The following CAPN9 variants were observed in gnomAD, a reference collection of about 807,000 sequenced individuals.
CAPN9 encodes calpain 9.
A neutral mutation model predicts 92.8 loss-of-function variants in CAPN9; 81 were observed. The ratio of observed to expected loss-of-function variants is 0.87; its 90% confidence interval spans 0.73 to 1.05. The LOEUF (loss-of-function observed/expected upper bound fraction) is 1.05. Among genes scored for constraint, CAPN9 ranks in the 50% least tolerant of loss-of-function variants. The pLI is 0.00. For synonymous variants in CAPN9, 304 were observed against 328.0 expected (o/e 0.93, Z 0.79); for missense variants, 848 against 866.2 (o/e 0.98, Z 0.26).
At chr1:230,777,344 A>T (rs1369330251) in intron 8 of CAPN9, among the ~76,000 whole-genome samples, 1 of 152,026 alleles carries the variant, frequency 6.6e-6, no homozygotes, top group Admixed American at 6.6e-5. Context: ...GCCCAAGGTG[A>T]TGGGTGGTGT....
Position 230,795,529 on chromosome 1 carries a change from C to G in CAPN9, c.1987+250C>G, listed in dbSNP as rs1421765797. 6 of 424,296 alleles carry G rather than the reference C, an allele frequency of 1.4e-5. No homozygotes were observed. In the Admixed American group the frequency reaches 2.2e-4, roughly 16 times the overall value. 26.3% of individuals were successfully genotyped at this position (424,296 alleles called of 1,614,324 possible). A position where few individuals can be genotyped will look rare whatever the true frequency, so the allele number is the denominator to read the frequency against. Reference sequence around the variant, plus strand: ...AGTGCCTCTGTGGGAGGATGATGGGCTGGGGCAGGTTTGTGCCTTGTGTTT... The same window carrying G: ...AGTGCCTCTGTGGGAGGATGATGGGGTGGGGCAGGTTTGTGCCTTGTGTTT... On this transcript the variant is annotated intron_variant, in intron 18 of 19. Transcript: ENST00000271971.
chr1:230,759,162 T>C (rs1204940758), intron 2 of CAPN9, among the ~76,000 whole-genome samples: 1 of 152,196 alleles, frequency 6.6e-6, no homozygotes, highest in Non-Finnish European at 1.5e-5. Context: ...AAATGTCTGC[T>C]CGCCCAGCCC....
intron 8 of CAPN9, chr1:230,776,446 G>A (rs1406656354): frequency 6.6e-6 from 1 of 152,188 alleles, no homozygotes; most frequent in Non-Finnish European, 1.5e-5. Context: ...GCATAACATA[G>A]ATAACCATTT....
rs1667145542 is a variant in CAPN9 at position 230,780,520 on chromosome 1, C to A, written c.1293C>A (p.His431Gln). 6.2e-7 allele frequency: 1 copy of A among 1,614,010 alleles called. No individual in the cohort carries two copies. The highest frequency in any genetic ancestry group is 1.3e-5 in the African/African-American group (1 of 74,910). Reference sequence around the variant, plus strand: ...TGCAGTGCCCTGACAAAGACGAACACCTGAACAAAGACTTCTTCAGATACC... The same window carrying A: ...TGCAGTGCCCTGACAAAGACGAACAACTGAACAAAGACTTCTTCAGATACC... ...AIYECPDKDEHLNKDFFRYHA... is the reference protein window; with the variant it reads ...AIYECPDKDEQLNKDFFRYHA... The change falls in exon 11 of 20, where the codon CAC (histidine) becomes CAA (glutamine). Residue 431 changes from histidine (H) to glutamine (Q), a missense_variant. Transcript: ENST00000271971.
At chr1:230,787,052 A>G (rs552926997) in intron 12 of CAPN9, among the ~76,000 whole-genome samples, 8 of 152,358 alleles carry the variant, frequency 5.3e-5, no homozygotes, top group East Asian at 1.9e-4. Flanking sequence ...TAAAAAACCA[A>G]AGAAACCAAA....
At chr1:230,762,516 C>T in intron 3 of CAPN9, 137 bp from the exon 4 acceptor site, 1 of 964,724 alleles carries the variant, frequency 1.0e-6, no homozygotes, top group Non-Finnish European at 1.5e-6. Flanking sequence ...ACCTTGGAAC[C>T]CGTGTGTGAT....
At position 230,777,149 on chromosome 1, in the gene CAPN9, C is replaced by A. The variant is rs544861735; in HGVS notation, c.954-1824C>A. ...CTGCATATGAGCAGGAGGTAGAAAC[C>A]AGAGTTTGAGAGGCTACCTGAGGTC... is the stretch of plus-strand genomic sequence containing the variant. On this transcript the variant is annotated intron_variant, in intron 8 of 19. Coordinates refer to ENST00000271971, the MANE Select transcript of CAPN9 (RefSeq NM_006615.3). Among the ~76,000 whole-genome samples, 16 of 152,276 alleles carry A rather than the reference C, an allele frequency of 1.1e-4. No individual in the cohort carries two copies. In the South Asian group the frequency reaches 3.3e-3, roughly 32 times the overall value.
At chr1:230,772,536 T>C (rs1296208354) in intron 7 of CAPN9, among the ~76,000 whole-genome samples, 2 of 152,156 alleles carry the variant, frequency 1.3e-5, no homozygotes, top group East Asian at 1.9e-4. Context: ...TATAGGATTC[T>C]CTCTGATGGT....
chr1:230,752,238 G>A lies in CAPN9; in HGVS notation c.214-3099G>A, dbSNP rs188545517. 2.2e-4 allele frequency among the ~76,000 whole-genome samples: 33 copies of A among 152,116 alleles called. 1 individual carries two copies. The East Asian group carries it at 6.0e-3, about 28-fold the overall frequency. The stretch of plus-strand genomic sequence containing the variant: ...CCGTCAGCATACACACCACTCCCAG[G>A]CATCTAACCCAGGCCCACCGCCTAG... On this transcript the variant is annotated intron_variant, in intron 1 of 19. Transcript: ENST00000271971.
rs190059749 is a variant in CAPN9 at position 230,777,778 on chromosome 1, G to T, written c.954-1195G>T. Among the ~76,000 whole-genome samples the T allele has an allele frequency of 2.6e-5, 4 of 151,920 alleles. No individual in the cohort carries two copies. In the East Asian group the frequency reaches 7.8e-4, roughly 30 times the overall value. On this transcript the variant is annotated intron_variant, in intron 8 of 19. Coordinates refer to ENST00000271971, the MANE Select transcript of CAPN9 (RefSeq NM_006615.3). ...AGGAGCCCTTGACGTGCTGGATTGCGGGGGACCACACGCCCTGGTGGTCCT... is the reference window on the plus strand; with the variant it reads ...AGGAGCCCTTGACGTGCTGGATTGCTGGGGACCACACGCCCTGGTGGTCCT...
intron 19 of CAPN9, among the ~76,000 whole-genome samples, chr1:230,799,521 C>A (rs1348265294): frequency 6.6e-6 from 1 of 152,174 alleles, no homozygotes; most frequent in Non-Finnish European, 1.5e-5. Flanking sequence ...TGGTACTTAG[C>A]TCACAGAATT....
At chr1:230,777,180 A>G (rs1276123736) in intron 8 of CAPN9, among the ~76,000 whole-genome samples, 1 of 152,190 alleles carries the variant, frequency 6.6e-6, no homozygotes. Flanking sequence ...AGGTCAGGCT[A>G]GTGGAAAGAA....
chr1:230,780,515 G>A lies in CAPN9; in HGVS notation c.1288G>A (p.Glu430Lys), dbSNP rs750960558. ...YAIYECPDKD[E>K]HLNKDFFRYH... ...CCCATTGCAGTGCCCTGACAAAGACGAACACCTGAACAAAGACTTCTTCAG... is the reference window on the plus strand; with the variant it reads ...CCCATTGCAGTGCCCTGACAAAGACAAACACCTGAACAAAGACTTCTTCAG... Residue 430 changes from glutamate (E) to lysine (K), a missense_variant, in exon 11 of 20, where the codon GAA becomes AAA. By Grantham distance (56) the Glu-to-Lys change is moderately conservative. Coordinates refer to ENST00000271971, the MANE Select transcript of CAPN9 (RefSeq NM_006615.3). 11 of 1,613,914 alleles carry A rather than the reference G, an allele frequency of 6.8e-6. No individual in the cohort carries two copies. In the East Asian group the frequency reaches 1.1e-4, roughly 16 times the overall value.
At chr1:230,754,888 G>A (rs1665125395) in intron 1 of CAPN9, among the ~76,000 whole-genome samples, 1 of 152,130 alleles carries the variant, frequency 6.6e-6, no homozygotes, top group South Asian at 2.1e-4. Context: ...AAGCTGGGTG[G>A]GTAGGGAGTA....
At chr1:230,801,459 A>T (rs921897395) in intron 19 of CAPN9, 111 bp from the exon 20 acceptor site, 6 of 999,596 alleles carry the variant, frequency 6.0e-6, no homozygotes, top group Non-Finnish European at 9.6e-6. Flanking sequence ...AGGCAAAATG[A>T]TCAAATAGCA....
Position 230,779,074 on chromosome 1 carries a change from C to T in CAPN9, c.1055C>T (p.Thr352Met), listed in dbSNP as rs145226005. 281 of 1,613,296 alleles carry T rather than the reference C, an allele frequency of 1.7e-4. No homozygotes were observed. Among genetic ancestry groups the T allele is most frequent in the Admixed American group, 3.7e-4 (22 of 59,986 alleles). The change falls in exon 9 of 20, where the codon ACG (threonine) becomes ATG (methionine). Residue 352 changes from threonine to methionine, a missense_variant. Transcript: ENST00000271971. ...EEDAIHKWEV[T>M]VHQGSWVRGS... ...GACGCGATCCACAAATGGGAGGTGA[C>T]GGTCCATCAGGGAAGCTGGGTTCGC...
intron 1 of CAPN9, among the ~76,000 whole-genome samples, chr1:230,747,910 C>G (rs4078405): frequency 0.6 from 90,561 of 151,982 alleles, 27,615 homozygotes; most frequent in Non-Finnish European, 0.67. Context: ...GGTGGGGACC[C>G]GGGGCATCTG....
chr1:230,775,866 G>A (rs1428457026), intron 8 of CAPN9, among the ~76,000 whole-genome samples: 1 of 149,048 alleles, frequency 6.7e-6, no homozygotes, highest in Non-Finnish European at 1.5e-5. Context: ...GCAGTGAGCC[G>A]AGATTGCATC....
At chr1:230,763,181 C>T (rs1013370201) in intron 4 of CAPN9, among the ~76,000 whole-genome samples, 1 of 152,194 alleles carries the variant, frequency 6.6e-6, no homozygotes, top group Admixed American at 6.5e-5. Context: ...GTCCGTCCTA[C>T]GGGATGCTTC....
Sources: allele counts gnomAD v4.1 joint callset (sites outside exome capture counted in the v4.1 genomes callset), GRCh38; gene constraint gnomAD v4.1.1; transcripts MANE v1.5; gene names NCBI Gene and HGNC (gene_info 2026-07-23, HGNC 2026-07-21).